SNUPN: variants seen among roughly 807,000 people sequenced by gnomAD.
The protein encoded by SNUPN is snurportin 1, also known as snurportin-1.
In SNUPN, 31 loss-of-function variants were observed where a neutral mutation model predicts 39.2. That is an observed-to-expected ratio of 0.79 (90% CI 0.59 to 1.07). The LOEUF is 1.07. SNUPN is among the 50% of genes least tolerant of loss of function. SNUPN has a pLI of 0.00. For synonymous variants in SNUPN, 132 were observed against 159.0 expected (o/e 0.83, Z 1.28); for missense variants, 382 against 434.2 (o/e 0.88, Z 1.07).
intron 3 of SNUPN, among the ~76,000 whole-genome samples, chr15:75,613,585 G>A (rs1892853636): frequency 6.7e-6 from 1 of 148,392 alleles, no homozygotes; most frequent in Non-Finnish European, 1.5e-5. Context: ...AGAGGTTGTA[G>A]TGAGCTAAGA....
intron 7 of SNUPN, among the ~76,000 whole-genome samples, chr15:75,603,448 T>C (rs1376094939): frequency 6.8e-6 from 1 of 146,380 alleles, no homozygotes; most frequent in Non-Finnish European, 1.5e-5. Context: ...GATCACAAGG[T>C]CAGGAGATCG....
intron 2 of SNUPN, among the ~76,000 whole-genome samples, chr15:75,619,962 C>CA (rs1453234020): frequency 6.6e-6 from 1 of 152,016 alleles, no homozygotes; most frequent in Non-Finnish European, 1.5e-5. Context: ...TTGGTCAGGC[C>CA]AGTCTCGAAC....
chr15:75,614,308 A>T (rs1892873638), intron 3 of SNUPN, among the ~76,000 whole-genome samples: 1 of 152,200 alleles, frequency 6.6e-6, no homozygotes, highest in Non-Finnish European at 1.5e-5. Context: ...GTAAATAAAT[A>T]AAATTAATTA....
chr15:75,607,384 G>A (rs1436086559), intron 5 of SNUPN, 71 bp from the exon 6 acceptor site: 49 of 1,005,782 alleles, frequency 4.9e-5, no homozygotes, highest in Non-Finnish European at 7.6e-5. Context: ...ACAACCTAGG[G>A]AGCCCCATCC....
At chr15:75,610,018 A>T in intron 3 of SNUPN, 24 bp from the exon 4 acceptor site, 1 of 1,561,766 alleles carries the variant, frequency 6.4e-7, no homozygotes, top group African/African-American at 1.4e-5. Flanking sequence ...AAATAGTGTT[A>T]AAGATCAGCA....
intron 8 of SNUPN, among the ~76,000 whole-genome samples, chr15:75,600,296 A>C (rs1366659715): frequency 6.7e-6 from 1 of 148,890 alleles, no homozygotes; most frequent in Non-Finnish European, 1.5e-5. Context: ...TTTTTTTGAG[A>C]CAGAGTCTTG....
intron 5 of SNUPN, among the ~76,000 whole-genome samples, chr15:75,607,725 A>G (rs2075341900): frequency 6.6e-6 from 1 of 152,178 alleles, no homozygotes. Context: ...GGAAGTTACC[A>G]TTTGGTTAAG....
In SNUPN at chr15:75,617,422, G is replaced by A; in HGVS notation, c.289C>T (p.His97Tyr). ...GGACCACTTACTTGATTAGCATAGTGTTTTGGTAACTTCTTGACAGTGTCA... is the reference window on the plus strand; with the variant it reads ...GGACCACTTACTTGATTAGCATAGTATTTTGGTAACTTCTTGACAGTGTCA... ...DIDTVKKLPK[H>Y]YANQLMLSEW... Residue 97 changes from histidine (H) to tyrosine (Y), a missense_variant, in exon 3 of 9, where the codon CAC becomes TAC. By Grantham distance (83) the His-to-Tyr change is moderately conservative (BLOSUM62 2). Coordinates refer to ENST00000308588, the MANE Select transcript of SNUPN (RefSeq NM_005701.4). 6.2e-7 allele frequency: 1 copy of A among 1,613,908 alleles called. No individual in the cohort carries two copies. The highest frequency in any genetic ancestry group is 8.5e-7 in the Non-Finnish European group (1 of 1,179,942).
rs141830478 is a variant in SNUPN at position 75,604,428 on chromosome 15, C to T, written c.678+722G>A. ...CCACCTGCCTCGGCCTCCCAAAGTGCTGGGATTACAGGCGTGAGCCACGGC... is the reference window on the plus strand; with the variant it reads ...CCACCTGCCTCGGCCTCCCAAAGTGTTGGGATTACAGGCGTGAGCCACGGC... On this transcript the variant is annotated intron_variant, in intron 7 of 8. Transcript: ENST00000308588. Among the ~76,000 whole-genome samples the T allele has an allele frequency of 3.5e-3, 537 of 152,278 alleles. 2 individuals carry two copies. Among genetic ancestry groups the T allele is most frequent in the African/African-American group, 0.012 (516 of 41,554 alleles).
chr15:75,620,653 A>G (rs1172526357), intron 2 of SNUPN, among the ~76,000 whole-genome samples: 1 of 152,088 alleles, frequency 6.6e-6, no homozygotes, highest in East Asian at 1.9e-4. Context: ...AACTTAACCA[A>G]ATAATTGAGC....
At position 75,610,589 on chromosome 15, in the gene SNUPN, G is replaced by A. The variant is rs1203659436; in HGVS notation, c.304-595C>T. ...CCATGCTTACTGCCTCACCTCCCGG[G>A]TCAGGGTGATGAACCCTCTTCCTTT... On this transcript the variant is annotated intron_variant, in intron 3 of 8. Transcript: ENST00000308588. 2.6e-5 allele frequency among the ~76,000 whole-genome samples: 4 copies of A among 151,968 alleles called. No individual in the cohort carries two copies. The East Asian group carries it at 7.7e-4, about 29-fold the overall frequency.
At chr15:75,615,687 C>T (rs1351430257) in intron 3 of SNUPN, among the ~76,000 whole-genome samples, 10 of 147,772 alleles carry the variant, frequency 6.8e-5, no homozygotes, top group Admixed American at 2.0e-4. Flanking sequence ...CTGCAAGCTC[C>T]GCCTCCCAGG....
chr15:75,623,674 A>C (rs1893134882), intron 1 of SNUPN, among the ~76,000 whole-genome samples: 1 of 150,788 alleles, frequency 6.6e-6, no homozygotes, highest in African/African-American at 2.4e-5. Context: ...GAAACTCCTG[A>C]CCTGAAGTGA....
chr15:75,600,836 A>G, intron 8 of SNUPN: 1 of 321,318 alleles, frequency 3.1e-6, no homozygotes, highest in African/African-American at 2.2e-5. Context: ...GGATCTAGGC[A>G]TGCAAGTCTT....
At chr15:75,609,689 A>G in intron 4 of SNUPN, 38 bp from the exon 5 acceptor site, 1 of 1,465,588 alleles carries the variant, frequency 6.8e-7, no homozygotes, top group Non-Finnish European at 9.5e-7. Flanking sequence ...ATTAGACCTC[A>G]AGGTCTCCTC....
At chr15:75,611,957 G>C (rs1299058955) in intron 3 of SNUPN, among the ~76,000 whole-genome samples, 1 of 151,950 alleles carries the variant, frequency 6.6e-6, no homozygotes, top group Non-Finnish European at 1.5e-5. Flanking sequence ...TGCTCAATCT[G>C]ACAGCCACAG....
At chr15:75,605,305 ATTTTTTT>A in intron 6 of SNUPN, 78 bp from the exon 7 acceptor site, 2 of 540,728 alleles carry the variant, frequency 3.7e-6, no homozygotes, top group Non-Finnish European at 6.0e-6. Context: ...ACCCCATGCT[ATTTTTTT>A]TTTTTTTTTT....
chr15:75,621,277 T>G (rs75512243), intron 1 of SNUPN, among the ~76,000 whole-genome samples: 1 of 151,570 alleles, frequency 6.6e-6, no homozygotes, highest in Admixed American at 6.6e-5. Context: ...TTTTTTTTTT[T>G]TGAGACAGGG....
intron 6 of SNUPN, among the ~76,000 whole-genome samples, chr15:75,605,806 G>A (rs555798623): frequency 2.0e-5 from 3 of 152,246 alleles, no homozygotes; most frequent in East Asian, 1.9e-4. Context: ...GGTTCTACAC[G>A]TGGGCAAGGT....
Sources: gnomAD v4.1 joint callset for allele counts (sites outside exome capture counted in the v4.1 genomes callset) on GRCh38, gnomAD v4.1.1 for gene constraint, MANE v1.5 for transcripts, NCBI Gene and HGNC (gene_info 2026-07-23, HGNC 2026-07-21) for gene names.